Variants in MTHFD1L observed in about 807,000 individuals in gnomAD.
The protein encoded by MTHFD1L is methylenetetrahydrofolate dehydrogenase (NADP+ dependent) 1 like, also known as monofunctional C1-tetrahydrofolate synthase, mitochondrial.
In MTHFD1L, 81 loss-of-function variants were observed where a neutral mutation model predicts 119.5. The observed-to-expected ratio is 0.68, with a 90% confidence interval of 0.57 to 0.82. The LOEUF (loss-of-function observed/expected upper bound fraction) is 0.82. Ranked by LOEUF, MTHFD1L falls within the 40% of genes least tolerant of loss-of-function variation. The pLI, the probability that MTHFD1L is intolerant of heterozygous loss-of-function variation, is 0.00. For synonymous variants in MTHFD1L, 430 were observed against 475.2 expected (o/e 0.90, Z 1.24); for missense variants, 1,125 against 1,253.4 (o/e 0.90, Z 1.55).
Position 150,994,077 on chromosome 6 carries a change from A to AAG in MTHFD1L, c.2126-15741_2126-15740insGA, listed in dbSNP as rs1554273888. The stretch of plus-strand genomic sequence containing the variant: ...TAACAACAACAGTAAAAAAAAAAAA[A>AAG]AAAGAAAGAAAGAAAGAAAGTGACC... On this transcript the variant is annotated intron_variant, in intron 20 of 27. Transcript: ENST00000367321. Among the ~76,000 whole-genome samples the AAG allele has an allele frequency of 3.9e-3, 404 of 104,774 alleles. 7 individuals carry two copies. Among genetic ancestry groups the AAG allele is most frequent in the Middle Eastern group, 9.3e-3 (2 of 214 alleles). The allele number at this position is 104,774 out of a possible 152,430, so 68.7% of individuals were successfully genotyped here.
intron 20 of MTHFD1L, among the ~76,000 whole-genome samples, chr6:150,983,420 T>C (rs1219051625): frequency 6.6e-6 from 1 of 152,190 alleles, no homozygotes; most frequent in African/African-American, 2.4e-5. Context: ...GAGACTTTTC[T>C]GCCCTGGTGA....
chr6:150,925,757 A>G (rs1233377426), intron 10 of MTHFD1L, among the ~76,000 whole-genome samples: 1 of 152,118 alleles, frequency 6.6e-6, no homozygotes, highest in African/African-American at 2.4e-5. Context: ...CCCTCTATTC[A>G]TCGCTAATGA....
At chr6:150,895,406 G>A (rs1479862417) in intron 7 of MTHFD1L, among the ~76,000 whole-genome samples, 1 of 152,148 alleles carries the variant, frequency 6.6e-6, no homozygotes, top group Non-Finnish European at 1.5e-5. Flanking sequence ...ATGCTGAAAT[G>A]GTCTCCAGCT....
intron 24 of MTHFD1L, among the ~76,000 whole-genome samples, chr6:151,022,646 T>TC (rs1784097229): frequency 6.6e-6 from 1 of 152,102 alleles, no homozygotes; most frequent in Non-Finnish European, 1.5e-5. Context: ...AAAGCTGTCT[T>TC]CCCCCTCAGG....
chr6:150,965,193 C>T (rs114317806), intron 19 of MTHFD1L, among the ~76,000 whole-genome samples, 156 bp downstream of exon 19: 85 of 152,130 alleles, frequency 5.6e-4, no homozygotes, highest in African/African-American at 1.5e-3. Context: ...GGTTAGGAAC[C>T]TGTATTAGTC....
At chr6:150,886,266 T>C (rs1782251356) in intron 6 of MTHFD1L, among the ~76,000 whole-genome samples, 1 of 151,908 alleles carries the variant, frequency 6.6e-6, no homozygotes, top group Admixed American at 6.6e-5. Flanking sequence ...AGACCTTGTC[T>C]CTACAAAAAA....
chr6:150,969,367 A>C (rs1319593483), intron 19 of MTHFD1L, among the ~76,000 whole-genome samples: 1 of 152,120 alleles, frequency 6.6e-6, no homozygotes, highest in East Asian at 1.9e-4. Context: ...AAAGCAAATA[A>C]AAGTAAGGGC....
intron 18 of MTHFD1L, 77 bp downstream of exon 18, chr6:150,960,492 T>C (rs1257331706): frequency 6.7e-7 from 1 of 1,500,762 alleles, no homozygotes; most frequent in Non-Finnish European, 8.9e-7. Context: ...AAGGTTTTCT[T>C]CCTTTTATCA....
chr6:150,903,584 T>TTTTTA (rs1409290590), intron 7 of MTHFD1L, among the ~76,000 whole-genome samples: 1 of 151,948 alleles, frequency 6.6e-6, no homozygotes, highest in Non-Finnish European at 1.5e-5. Context: ...ACCTGGCTAA[T>TTTTTA]TTTTATTTTA....
rs183851386 is a variant in MTHFD1L, at chr6:151,095,763, C to T, written c.*31+3176C>T. Reference sequence around the variant, plus strand: ...TAAGGGCCACAAGGCTTCAAGAGGACGGAGCCTACCCCTTGGTCACTGAGG... The same window carrying T: ...TAAGGGCCACAAGGCTTCAAGAGGATGGAGCCTACCCCTTGGTCACTGAGG... On this transcript the variant is annotated intron_variant, in intron 27 of 27. Coordinates refer to ENST00000367321, the MANE Select transcript of MTHFD1L (RefSeq NM_015440.5). Among the ~76,000 whole-genome samples the T allele has an allele frequency of 4.2e-3, 645 of 152,346 alleles. 1 individual carries two copies. Among genetic ancestry groups the T allele is most frequent in the Non-Finnish European group, 6.3e-3 (431 of 68,026 alleles).
At chr6:150,890,318 T>TG (rs1783029579) in intron 7 of MTHFD1L, among the ~76,000 whole-genome samples, 1 of 151,948 alleles carries the variant, frequency 6.6e-6, no homozygotes, top group African/African-American at 2.4e-5. Context: ...AGAGGGGCAG[T>TG]GGTGGTTCTG....
rs1004363855 is a variant in MTHFD1L at position 151,048,536 on chromosome 6, G to C, written c.2847+11419G>C. On this transcript the variant is annotated intron_variant, in intron 26 of 27. Coordinates refer to ENST00000367321, the MANE Select transcript of MTHFD1L (RefSeq NM_015440.5). Reference sequence around the variant, plus strand: ...CAGAGGGCTAGGGAATCTTCAAGGAGTCTGCTGCCAGTGAAACTCACCAGT... The same window carrying C: ...CAGAGGGCTAGGGAATCTTCAAGGACTCTGCTGCCAGTGAAACTCACCAGT... Among the ~76,000 whole-genome samples the C allele has an allele frequency of 1.4e-4, 22 of 152,304 alleles. 1 individual carries two copies. Among genetic ancestry groups the C allele is most frequent in the Admixed American group, 1.0e-3 (16 of 15,304 alleles).
chr6:151,025,452 G>A (rs770824299), intron 24 of MTHFD1L, among the ~76,000 whole-genome samples: 1 of 152,210 alleles, frequency 6.6e-6, no homozygotes, highest in Non-Finnish European at 1.5e-5. Flanking sequence ...GCTTCATGTT[G>A]TACTTTAATT....
At chr6:150,935,553 A>G in intron 11 of MTHFD1L, 1 of 1,500,798 alleles carries the variant, frequency 6.7e-7, no homozygotes, top group African/African-American at 1.4e-5. Context: ...CGGCAACAGA[A>G]AAAGAAAAGA....
chr6:151,012,019 C>CAAAAAAAAAAA (rs1043831602), intron 21 of MTHFD1L, among the ~76,000 whole-genome samples: 7 of 58,824 alleles, frequency 1.2e-4, no homozygotes, highest in African/African-American at 1.7e-4. Flanking sequence ...ACAACAACAA[C>CAAAAAAAAAAA]AAAAAAAAAA....
chr6:151,004,695 C>T lies in MTHFD1L; in HGVS notation c.2126-5124C>T, dbSNP rs555194443. Among the ~76,000 whole-genome samples the T allele has an allele frequency of 6.0e-4, 91 of 152,340 alleles. No individual in the cohort carries two copies. The South Asian group carries it at 8.3e-3, about 14-fold the overall frequency. ...CCTTCCCAACTCAGACCCACTGACC[C>T]TTCCTTTCTCAGCTGATTACGGGTT... is the stretch of plus-strand genomic sequence containing the variant. On this transcript the variant is annotated intron_variant, in intron 20 of 27. Transcript: ENST00000367321.
rs375443923 is a variant in MTHFD1L at position 150,900,994 on chromosome 6, G to A, written c.781-4656G>A. 2.4e-4 allele frequency among the ~76,000 whole-genome samples: 36 copies of A among 147,500 alleles called. No individual in the cohort carries two copies. The East Asian group carries it at 2.6e-3, about 11-fold the overall frequency. The stretch of plus-strand genomic sequence containing the variant: ...CGCGCCACTGCACTCCAGCCTGGAC[G>A]ACAGAGTGAGACTCGTCTCAAAAAA... On this transcript the variant is annotated intron_variant, in intron 7 of 27. Coordinates refer to ENST00000367321, the MANE Select transcript of MTHFD1L (RefSeq NM_015440.5).
chr6:150,929,096 C>A (rs1214791112), intron 11 of MTHFD1L, among the ~76,000 whole-genome samples: 2 of 152,166 alleles, frequency 1.3e-5, no homozygotes, highest in Non-Finnish European at 2.9e-5. Context: ...CACCTGCAGG[C>A]ACCCTCTGGG....
intron 20 of MTHFD1L, among the ~76,000 whole-genome samples, chr6:150,989,747 A>G (rs1456519524): frequency 6.6e-6 from 1 of 152,216 alleles, no homozygotes; most frequent in Admixed American, 6.5e-5. Context: ...ACAAACAACA[A>G]GACCTGAATA....
Sources: gnomAD v4.1 joint callset for allele counts (sites outside exome capture counted in the v4.1 genomes callset) on GRCh38, gnomAD v4.1.1 for gene constraint, MANE v1.5 for transcripts, NCBI Gene and HGNC (gene_info 2026-07-23, HGNC 2026-07-21) for gene names.